The following PINX1 variants were observed in gnomAD, a reference collection of about 807,000 sequenced individuals.
The protein encoded by PINX1 is PIN2 (TERF1) interacting telomerase inhibitor 1, also known as PIN2/TERF1-interacting telomerase inhibitor 1.
A neutral mutation model predicts 25.4 loss-of-function variants in PINX1; 34 were observed. The ratio of observed to expected loss-of-function variants is 1.34; its 90% CI spans 1.02 to 1.78. PINX1 has a LOEUF of 1.78. Ranked by LOEUF, PINX1 falls within the 40% of genes most tolerant of loss-of-function variation. PINX1 has a pLI of 0.00. For synonymous variants in PINX1, 197 were observed against 147.7 expected (o/e 1.33, Z -2.42); for missense variants, 592 against 404.9 (o/e 1.46, Z -3.97).
chr8:10,814,696 C>T (rs960233679), intron 6 of PINX1, among the ~76,000 whole-genome samples: 1 of 152,198 alleles, frequency 6.6e-6, no homozygotes, highest in Non-Finnish European at 1.5e-5. Flanking sequence ...AAGGAAAAGA[C>T]ATTTCAAATA....
intron 5 of PINX1, among the ~76,000 whole-genome samples, chr8:10,823,675 A>AT (rs1797945834): frequency 6.6e-6 from 1 of 152,164 alleles, no homozygotes; most frequent in South Asian, 2.1e-4. Context: ...CTAAAACGAT[A>AT]TAACCAACCA....
At chr8:10,772,601 C>A (rs773898598) in intron 6 of PINX1, among the ~76,000 whole-genome samples, 1 of 152,218 alleles carries the variant, frequency 6.6e-6, no homozygotes, top group African/African-American at 2.4e-5. Context: ...CACCAAGTCT[C>A]GGCAATGAGC....
chr8:10,797,041 G>C (rs1192895872), intron 6 of PINX1, among the ~76,000 whole-genome samples: 1 of 151,984 alleles, frequency 6.6e-6, no homozygotes, highest in Non-Finnish European at 1.5e-5. Flanking sequence ...AGCTTGAATG[G>C]AAGCTGATCC....
Position 10,826,044 on chromosome 8 carries a change from G to A in PINX1, c.394+108C>T, listed in dbSNP as rs1384361823. On this transcript the variant is annotated intron_variant, in intron 5 of 6. Transcript: ENST00000314787. ...GCTGTTTCACAGCAATGCAGTCGGA[G>A]CTGTCCATAAAGCATGAAGTCGCTA... 8.0e-6 allele frequency: 5 copies of A among 624,558 alleles called. No individual in the cohort carries two copies. The Admixed American group carries it at 1.2e-4, about 16-fold the overall frequency. The allele number at this position is 624,558 out of a possible 1,614,324, so 38.7% of individuals were successfully genotyped here.
chr8:10,796,177 A>G (rs1802078146), intron 6 of PINX1, among the ~76,000 whole-genome samples: 1 of 152,178 alleles, frequency 6.6e-6, no homozygotes, highest in Non-Finnish European at 1.5e-5. Context: ...AGTGCATGGA[A>G]GGAGCTTGAT....
At chr8:10,775,854 A>G (rs546834153) in intron 6 of PINX1, among the ~76,000 whole-genome samples, 1 of 152,292 alleles carries the variant, frequency 6.6e-6, no homozygotes, top group African/African-American at 2.4e-5. Context: ...TAGTTTTTTC[A>G]CATGACTTTC....
chr8:10,808,918 A>T (rs72549104), intron 6 of PINX1, among the ~76,000 whole-genome samples: 53 of 152,392 alleles, frequency 3.5e-4, no homozygotes, highest in African/African-American at 1.3e-3. Flanking sequence ...AAAAAACTGC[A>T]GTCACACAAA....
chr8:10,839,831 G>C lies in PINX1; in HGVS notation c.-75C>G, dbSNP rs1015822439. 18 of 1,423,078 alleles carry C rather than the reference G, an allele frequency of 1.3e-5. No individual in the cohort carries two copies. The highest frequency in any genetic ancestry group is 7.1e-5 in the African/African-American group (5 of 70,422). The allele number at this position is 1,423,078 out of a possible 1,614,324, so 88.2% of individuals were successfully genotyped here. ...ACTGGGCGGGCTGGAGACTCCAGGA[G>C]AATCAGGACGTGCGTAACTCCCTCG... On this transcript the variant is annotated 5_prime_UTR_variant, in exon 1 of 7. Coordinates refer to ENST00000314787, the MANE Select transcript of PINX1 (RefSeq NM_017884.6).
chr8:10,817,780 G>C (rs574999260), intron 6 of PINX1, among the ~76,000 whole-genome samples: 25 of 152,094 alleles, frequency 1.6e-4, no homozygotes, highest in Non-Finnish European at 3.2e-4. Context: ...CTGTACACAC[G>C]GCAGGACTTG....
At chr8:10,804,235 C>G (rs1042897963) in intron 6 of PINX1, among the ~76,000 whole-genome samples, 1 of 152,206 alleles carries the variant, frequency 6.6e-6, no homozygotes, top group Admixed American at 6.5e-5. Context: ...GATGTCACTG[C>G]GGTGTTAGCC....
intron 1 of PINX1, among the ~76,000 whole-genome samples, chr8:10,838,231 A>G (rs558511829): frequency 6.6e-6 from 1 of 152,372 alleles, no homozygotes; most frequent in Non-Finnish European, 1.5e-5. Context: ...CTTCTTAACA[A>G]CACCAATCCT....
Position 10,820,430 on chromosome 8 carries a change from C to CA in PINX1, c.395-162dup, listed in dbSNP as rs1351510159. 13 of 662,892 alleles carry CA rather than the reference C, an allele frequency of 2.0e-5. No individual in the cohort carries two copies. The African/African-American group carries it at 2.2e-4, about 11-fold the overall frequency. 41.1% of individuals were successfully genotyped at this position (662,892 alleles called of 1,614,324 possible). On this transcript the variant is annotated intron_variant, in intron 5 of 6. Transcript: ENST00000314787. Reference sequence around the variant, plus strand: ...ACCCACTTTTTCATTACAACTCTTTCATTAGTAAACAAAATTAATTAAATT... The same window carrying CA: ...ACCCACTTTTTCATTACAACTCTTTCAATTAGTAAACAAAATTAATTAAATT...
chr8:10,807,445 G>GA (rs1037058286), intron 6 of PINX1, among the ~76,000 whole-genome samples: 10 of 150,174 alleles, frequency 6.7e-5, no homozygotes, highest in African/African-American at 1.5e-4. Context: ...AAACAGAGGG[G>GA]AAAAAATTAT....
chr8:10,818,008 G>A (rs1321112903), intron 6 of PINX1, among the ~76,000 whole-genome samples: 1 of 152,118 alleles, frequency 6.6e-6, no homozygotes, highest in Non-Finnish European at 1.5e-5. Context: ...AATTTAATCG[G>A]TCTTGGGCAG....
intron 6 of PINX1, chr8:10,787,610 C>G (rs891339567): frequency 2.9e-5 from 9 of 312,308 alleles, no homozygotes; most frequent in Non-Finnish European, 5.7e-5. Context: ...TATGTGATGG[C>G]AAGAACCATT....
rs1798030005 is a variant in PINX1 at position 10,826,132 on chromosome 8, A to G, written c.394+20T>C. 1.5e-6 allele frequency: 2 copies of G among 1,366,478 alleles called. No homozygotes were observed. The highest frequency in any genetic ancestry group is 1.4e-5 in the African/African-American group (1 of 69,102). 84.6% of individuals were successfully genotyped at this position (1,366,478 alleles called of 1,614,324 possible). ...AAACACGTAGATTTCAATAACAAGT[A>G]AAGAAATGCTTAATCTTACCTTTTG... On this transcript the variant is annotated intron_variant, in intron 5 of 6. Transcript: ENST00000314787.
At chr8:10,839,493 G>A (rs933707421) in intron 1 of PINX1, among the ~76,000 whole-genome samples, 1 of 152,210 alleles carries the variant, frequency 6.6e-6, no homozygotes, top group Non-Finnish European at 1.5e-5. Flanking sequence ...CGCGACCCAG[G>A]GTGATTCTGA....
intron 6 of PINX1, among the ~76,000 whole-genome samples, chr8:10,817,199 T>C (rs1798865255): frequency 6.6e-6 from 1 of 152,204 alleles, no homozygotes; most frequent in South Asian, 2.1e-4. Flanking sequence ...TGGCCCGCAC[T>C]ACCACGGTTT....
chr8:10,808,684 G>C (rs910993547), intron 6 of PINX1, among the ~76,000 whole-genome samples: 2 of 152,202 alleles, frequency 1.3e-5, no homozygotes, highest in African/African-American at 4.8e-5. Context: ...CCAGAAGCTG[G>C]AGATCTTAAC....
Sources: gnomAD v4.1 joint callset for allele counts (sites outside exome capture counted in the v4.1 genomes callset) on GRCh38, gnomAD v4.1.1 for gene constraint, MANE v1.5 for transcripts, NCBI Gene and HGNC (gene_info 2026-07-23, HGNC 2026-07-21) for gene names.